The following PRKCB variants were observed in gnomAD, a reference collection of about 807,000 sequenced individuals.
The protein encoded by PRKCB is protein kinase C beta, also known as protein kinase C beta type.
A neutral mutation model predicts 81.5 loss-of-function variants in PRKCB; 13 were observed. The ratio of observed to expected loss-of-function variants is 0.16; its 90% CI spans 0.10 to 0.25. PRKCB has a LOEUF of 0.25. PRKCB is among the 10% of genes least tolerant of loss of function. The probability of loss-of-function intolerance (pLI) is 1.00; values close to 1 mark genes in which losing one functional copy is unlikely to be tolerated. For missense variants in PRKCB, 509 were observed against 875.7 expected, an observed-to-expected ratio of 0.58 and a Z score of 5.29; for synonymous variants, 335 against 321.4, an observed-to-expected ratio of 1.04 and a Z score of -0.45.
At chr16:24,156,993 G>C (rs1300473518) in intron 10 of PRKCB, among the ~76,000 whole-genome samples, 1 of 150,448 alleles carries the variant, frequency 6.6e-6, no homozygotes, top group Non-Finnish European at 1.5e-5. Context: ...ATGAATCATG[G>C]GTGACTAATG....
At chr16:23,846,349 C>T (rs1962367607) in intron 2 of PRKCB, among the ~76,000 whole-genome samples, 1 of 151,962 alleles carries the variant, frequency 6.6e-6, no homozygotes, top group African/African-American at 2.4e-5. Flanking sequence ...GTGGCTCATG[C>T]CTGTAATCCC....
chr16:24,031,480 A>G (rs1965550966), intron 3 of PRKCB, among the ~76,000 whole-genome samples: 1 of 152,244 alleles, frequency 6.6e-6, no homozygotes, highest in African/African-American at 2.4e-5. Flanking sequence ...CATTGGCCAG[A>G]ACTCAGCACC....
chr16:24,019,335 C>T (rs1296517921), intron 3 of PRKCB, among the ~76,000 whole-genome samples: 2 of 151,938 alleles, frequency 1.3e-5, no homozygotes, highest in East Asian at 3.9e-4. Context: ...CATAGTGAGA[C>T]CTTGTCTCTG....
intron 3 of PRKCB, among the ~76,000 whole-genome samples, chr16:24,011,540 A>G (rs972510599): frequency 6.6e-5 from 10 of 152,172 alleles, no homozygotes; most frequent in Admixed American, 5.9e-4. Context: ...TGTTTGAGAC[A>G]GGATCTCACT....
chr16:24,220,436 C>T lies in PRKCB; in HGVS notation c.*5620C>T, dbSNP rs1283919816. ...TATTTGTAATTTTTCAAGTCAGAAG[C>T]TGATGTTCCTGGTAAAAGTTTTTAC... On this transcript the variant is annotated 3_prime_UTR_variant, in exon 17 of 17. Transcript: ENST00000643927. 3 of 190,736 alleles carry T rather than the reference C, an allele frequency of 1.6e-5. No individual in the cohort carries two copies. Among genetic ancestry groups the T allele is most frequent in the Non-Finnish European group, 3.2e-5 (3 of 93,268 alleles). 11.8% of individuals were successfully genotyped at this position (190,736 alleles called of 1,614,324 possible).
intron 5 of PRKCB, among the ~76,000 whole-genome samples, chr16:24,072,780 C>T (rs1490293807): frequency 2.0e-5 from 3 of 152,118 alleles, no homozygotes; most frequent in Admixed American, 6.5e-5. Context: ...CGGGGTTTCA[C>T]CATGTTGGCC....
chr16:24,220,423 T>G lies in PRKCB; in HGVS notation c.*5607T>G, dbSNP rs1294999299. ...CAAAATGCTTCAGTATTTGTAATTT[T>G]TCAAGTCAGAAGCTGATGTTCCTGG... On this transcript the variant is annotated 3_prime_UTR_variant, in exon 17 of 17. Transcript: ENST00000643927. The G allele has an allele frequency of 4.9e-6, 1 of 205,090 alleles. No individual in the cohort carries two copies. Among genetic ancestry groups the G allele is most frequent in the Non-Finnish European group, 9.7e-6 (1 of 102,594 alleles). 12.7% of individuals were successfully genotyped at this position (205,090 alleles called of 1,614,324 possible). A position where few individuals can be genotyped will look rare whatever the true frequency, so the allele number is the denominator to read the frequency against.
intron 5 of PRKCB, among the ~76,000 whole-genome samples, chr16:24,061,163 C>A (rs779652768): frequency 6.6e-6 from 1 of 152,052 alleles, no homozygotes; most frequent in Non-Finnish European, 1.5e-5. Flanking sequence ...CGAATTCAAG[C>A]AATTCTTATG....
intron 2 of PRKCB, among the ~76,000 whole-genome samples, chr16:23,851,178 G>GT (rs1962466562): frequency 6.6e-6 from 1 of 152,138 alleles, no homozygotes; most frequent in Non-Finnish European, 1.5e-5. Context: ...ATGTTGTGGA[G>GT]TTTTTCCCTT....
intron 2 of PRKCB, among the ~76,000 whole-genome samples, chr16:23,896,078 A>T (rs1421062153): frequency 1.3e-4 from 19 of 146,930 alleles, no homozygotes; most frequent in Non-Finnish European, 7.5e-5. Context: ...ATCCATTCAC[A>T]TTTTTTTTTT....
intron 3 of PRKCB, among the ~76,000 whole-genome samples, chr16:24,022,751 C>T (rs1393927509): frequency 6.6e-6 from 1 of 152,204 alleles, no homozygotes; most frequent in Non-Finnish European, 1.5e-5. Context: ...CCTCGGACTC[C>T]CAAAGTGCTG....
chr16:24,073,564 G>A (rs911448586), intron 5 of PRKCB, among the ~76,000 whole-genome samples: 8 of 152,134 alleles, frequency 5.3e-5, no homozygotes, highest in African/African-American at 1.9e-4. Flanking sequence ...CAAATTCCTG[G>A]CCTCAAGTGA....
intron 9 of PRKCB, among the ~76,000 whole-genome samples, chr16:24,146,892 C>T (rs1244985521): frequency 6.6e-6 from 1 of 152,080 alleles, no homozygotes; most frequent in Non-Finnish European, 1.5e-5. Flanking sequence ...TCTGGAAGCT[C>T]CAGAAACTGC....
At chr16:24,108,608 C>T (rs1159627233) in intron 7 of PRKCB, among the ~76,000 whole-genome samples, 33 of 149,296 alleles carry the variant, frequency 2.2e-4, no homozygotes, top group Non-Finnish European at 4.0e-4. Flanking sequence ...TCTTGCACCG[C>T]CCTTAATCCA....
intron 16 of PRKCB, among the ~76,000 whole-genome samples, chr16:24,208,721 A>G (rs1968085898): frequency 1.3e-5 from 2 of 152,046 alleles, no homozygotes; most frequent in Non-Finnish European, 2.9e-5. Flanking sequence ...TGAGCTGCCC[A>G]TACTTCAAGG....
At chr16:23,911,626 G>T (rs962674349) in intron 2 of PRKCB, among the ~76,000 whole-genome samples, 3 of 152,126 alleles carry the variant, frequency 2.0e-5, no homozygotes, top group Admixed American at 1.3e-4. Context: ...CATAAACGTG[G>T]TTTGCAGTGA....
chr16:24,085,040 T>C (rs1354961299), intron 5 of PRKCB, among the ~76,000 whole-genome samples: 1 of 151,782 alleles, frequency 6.6e-6, no homozygotes, highest in Non-Finnish European at 1.5e-5. Flanking sequence ...CAGAAGCGAT[T>C]GAATGGCTTT....
intron 3 of PRKCB, among the ~76,000 whole-genome samples, chr16:23,992,340 G>A (rs868273076): frequency 5.9e-5 from 9 of 152,136 alleles, no homozygotes; most frequent in Non-Finnish European, 1.0e-4. Context: ...TTGGTAATTG[G>A]CTGCCAAATC....
chr16:24,112,863 G>A (rs11646540), intron 7 of PRKCB, 110 bp from the exon 8 acceptor site: 46,057 of 737,170 alleles, frequency 0.062, 1,942 homozygotes, highest in African/African-American at 0.16. Context: ...AACCCTCAAC[G>A]TATATTTTTT....
Sources: gnomAD v4.1 joint callset for allele counts (sites outside exome capture counted in the v4.1 genomes callset) on GRCh38, gnomAD v4.1.1 for gene constraint, MANE v1.5 for transcripts, NCBI Gene and HGNC (gene_info 2026-07-23, HGNC 2026-07-21) for gene names.